Variants in C6orf163 observed in about 807,000 individuals in gnomAD.
The protein encoded by C6orf163 is uncharacterized protein C6orf163.
In C6orf163, 22 loss-of-function variants were observed where a neutral mutation model predicts 28.4. The ratio of observed to expected loss-of-function variants is 0.78; its 90% CI spans 0.55 to 1.11. The LOEUF (loss-of-function observed/expected upper bound fraction) is 1.11. C6orf163 is among the 50% of genes least tolerant of loss of function. The probability of loss-of-function intolerance (pLI) is 0.00; values close to 1 mark genes in which losing one functional copy is unlikely to be tolerated. For synonymous variants in C6orf163, 110 were observed against 123.6 expected (o/e 0.89, Z 0.73); for missense variants, 342 against 389.1 (o/e 0.88, Z 1.02).
At chr6:87,345,950 A>T (rs1253360663) in intron 1 of C6orf163, among the ~76,000 whole-genome samples, 1 of 143,772 alleles carries the variant, frequency 7.0e-6, no homozygotes, top group Non-Finnish European at 1.5e-5. Flanking sequence ...ATTTTAAAGT[A>T]CCCTAATAAA....
intron 1 of C6orf163, 24 bp downstream of exon 1, chr6:87,345,271 T>G: frequency 6.6e-7 from 1 of 1,506,720 alleles, no homozygotes; most frequent in Non-Finnish European, 8.8e-7. Flanking sequence ...TCGTTTTCCT[T>G]TGTTCTAATG....
chr6:87,346,200 T>C (rs1211589533), intron 1 of C6orf163, among the ~76,000 whole-genome samples: 1 of 152,072 alleles, frequency 6.6e-6, no homozygotes, highest in Non-Finnish European at 1.5e-5. Flanking sequence ...TCCTTTAAAA[T>C]GGTAAACTAA....
At chr6:87,355,900 G>A (rs952024758) in intron 3 of C6orf163, among the ~76,000 whole-genome samples, 1 of 152,140 alleles carries the variant, frequency 6.6e-6, no homozygotes, top group Non-Finnish European at 1.5e-5. Flanking sequence ...CAGGAGACAC[G>A]AGGCATAGTA....
intron 3 of C6orf163, 34 bp from the exon 4 acceptor site, chr6:87,356,267 G>A (rs750545209): frequency 9.8e-6 from 15 of 1,530,062 alleles, no homozygotes; most frequent in African/African-American, 9.6e-5. Flanking sequence ...CATTAAGTCT[G>A]TAATAGCTAA....
rs10625675 is a variant in C6orf163 at position 87,360,398 on chromosome 6, ATTT to A, written c.554+3911_554+3913del. Among the ~76,000 whole-genome samples the A allele has an allele frequency of 2.8e-4, 39 of 138,132 alleles. No individual in the cohort carries two copies. The South Asian group carries it at 3.0e-3, about 11-fold the overall frequency. The allele number at this position is 138,132 out of a possible 152,430, so 90.6% of individuals were successfully genotyped here. A position where few individuals can be genotyped will look rare whatever the true frequency, so the allele number is the denominator to read the frequency against. ...TGTTAAGAATCCTTTTTAAGCATGA[ATTT>A]TTTTTTTTTTTTTTTGAGAGAGTCT... On this transcript the variant is annotated intron_variant, in intron 4 of 4. Coordinates refer to ENST00000388923, the MANE Select transcript of C6orf163 (RefSeq NM_001010868.3).
chr6:87,359,868 G>T (rs896348578), intron 4 of C6orf163, among the ~76,000 whole-genome samples: 1 of 152,204 alleles, frequency 6.6e-6, no homozygotes, highest in Non-Finnish European at 1.5e-5. Flanking sequence ...GCCTCATAAA[G>T]ATAGAGATGC....
chr6:87,363,864 T>C (rs1164198979), intron 4 of C6orf163, among the ~76,000 whole-genome samples: 1 of 152,230 alleles, frequency 6.6e-6, no homozygotes, highest in Non-Finnish European at 1.5e-5. Flanking sequence ...CCTTTTTCAC[T>C]CTTAGTCTCC....
chr6:87,350,442 A>G lies in C6orf163; in HGVS notation c.292A>G (p.Asn98Asp). Reference sequence around the variant, plus strand: ...AGTGGAGAAAGCACTTGAAGAAGCAAATGACAGACACAAAATTGAAATTCA... The same window carrying G: ...AGTGGAGAAAGCACTTGAAGAAGCAGATGACAGACACAAAATTGAAATTCA... The part of the protein sequence containing the change: ...QAVEKALEEA[N>D]DRHKIEIQIL... The change falls in exon 3 of 5, where the codon AAT (asparagine) becomes GAT (aspartate). Residue 98 changes from asparagine to aspartate, a missense_variant. Transcript: ENST00000388923. 6.5e-7 allele frequency: 1 copy of G among 1,536,320 alleles called. No individual in the cohort carries two copies.
rs965409651 is a variant in C6orf163, at chr6:87,350,496, T to C, written c.346T>C (p.Leu116=). The change falls in exon 3 of 5, where the codon TTA becomes CTA. Residue 116 remains leucine, a synonymous_variant. Transcript: ENST00000388923. The part of the protein sequence containing the change: ...QILKEEHQKD[L]QEVTAKTKTE... ...TTTGAAAGAGGAACATCAGAAAGAT[T>C]TACAGGTTTTTATAGTGGCTTATTT... 4.7e-6 allele frequency: 7 copies of C among 1,501,996 alleles called. No individual in the cohort carries two copies. The highest frequency in any genetic ancestry group is 6.3e-6 in the Non-Finnish European group (7 of 1,116,510). The allele number at this position is 1,501,996 out of a possible 1,614,324, so 93.0% of individuals were successfully genotyped here.
At chr6:87,351,783 A>G (rs746639063) in intron 3 of C6orf163, among the ~76,000 whole-genome samples, 1 of 152,028 alleles carries the variant, frequency 6.6e-6, no homozygotes, top group African/African-American at 2.4e-5. Flanking sequence ...AGACTCCTGG[A>G]CCTCTCCCAA....
intron 1 of C6orf163, among the ~76,000 whole-genome samples, chr6:87,347,066 A>T (rs1777335972): frequency 6.6e-6 from 1 of 152,186 alleles, no homozygotes; most frequent in Non-Finnish European, 1.5e-5. Context: ...CACAATCACA[A>T]CATGGAGCTG....
At chr6:87,347,421 A>C in intron 1 of C6orf163, 1 of 985,290 alleles carries the variant, frequency 1.0e-6, no homozygotes, top group Non-Finnish European at 1.2e-6. Context: ...GATAGCCTAC[A>C]CTTGTATCAC....
chr6:87,348,391 A>G, intron 1 of C6orf163: 2 of 988,914 alleles, frequency 2.0e-6, no homozygotes, highest in Non-Finnish European at 2.4e-6. Flanking sequence ...AAAGGCATGT[A>G]ATGTGAAGGC....
rs1371857937 is a variant in C6orf163, at chr6:87,345,742, C to G, written c.148+495C>G. 4.0e-5 allele frequency among the ~76,000 whole-genome samples: 6 copies of G among 151,586 alleles called. No individual in the cohort carries two copies. In the South Asian group the frequency reaches 1.0e-3, roughly 26 times the overall value. On this transcript the variant is annotated intron_variant, in intron 1 of 4. Transcript: ENST00000388923. ...TTCAAGACCAGCCTGGCCAACATGG[C>G]GAAACCCCGTCTCTACTAAAAAAAT... is the stretch of plus-strand genomic sequence containing the variant.
chr6:87,348,002 A>C (rs1777354093), intron 1 of C6orf163: 1 of 571,088 alleles, frequency 1.8e-6, no homozygotes, highest in South Asian at 7.7e-5. Context: ...CTAAAAATAC[A>C]AAAATTAGTC....
intron 1 of C6orf163, chr6:87,347,679 C>T (rs1170982621): frequency 1.0e-6 from 1 of 984,964 alleles, no homozygotes; most frequent in Non-Finnish European, 1.2e-6. Flanking sequence ...AATGGAATTT[C>T]TTGACTCTTT....
intron 4 of C6orf163, chr6:87,358,307 T>TAAG (rs1257294188): frequency 1.3e-5 from 2 of 149,514 alleles, no homozygotes; most frequent in Non-Finnish European, 3.0e-5. Context: ...CTCTTTCTCT[T>TAAG]AAAGTTAAAA....
intron 1 of C6orf163, among the ~76,000 whole-genome samples, chr6:87,345,452 C>A (rs1206195332): frequency 1.3e-5 from 2 of 152,140 alleles, no homozygotes; most frequent in East Asian, 3.8e-4. Flanking sequence ...CAATCTGTTT[C>A]CTTATGTGGA....
chr6:87,356,625 T>C, intron 4 of C6orf163, 122 bp downstream of exon 4: 1 of 820,612 alleles, frequency 1.2e-6, no homozygotes, highest in South Asian at 1.8e-5. Flanking sequence ...ACATTTTTAT[T>C]ATGGAAAATA....
Sources: gnomAD v4.1 joint callset for allele counts (sites outside exome capture counted in the v4.1 genomes callset) on GRCh38, gnomAD v4.1.1 for gene constraint, MANE v1.5 for transcripts, NCBI Gene and HGNC (gene_info 2026-07-23, HGNC 2026-07-21) for gene names.